Variants in SLC25A21 observed in about 807,000 individuals in gnomAD.
The protein encoded by SLC25A21 is mitochondrial 2-oxodicarboxylate carrier.
SLC25A21 carries 47 observed loss-of-function variants against 43.8 expected under a neutral mutation model. The ratio of observed to expected loss-of-function variants is 1.07; its 90% CI spans 0.85 to 1.37. The LOEUF (loss-of-function observed/expected upper bound fraction) is 1.37, where lower values mean the gene tolerates loss of function less well. Ranked by LOEUF, SLC25A21 falls within the 40% of genes most tolerant of loss-of-function variation. The probability of loss-of-function intolerance (pLI) is 0.00; values close to 1 mark genes in which losing one functional copy is unlikely to be tolerated. For missense variants in SLC25A21, 352 were observed against 350.2 expected (o/e 1.00, Z -0.04); for synonymous variants, 131 against 121.3 (o/e 1.08, Z -0.52).
intron 5 of SLC25A21, among the ~76,000 whole-genome samples, chr14:36,726,450 A>AAAG (rs1170846750): frequency 3.9e-5 from 6 of 152,048 alleles, no homozygotes; most frequent in South Asian, 2.1e-4. Context: ...ATAAAAAAAA[A>AAAG]AAGAAGAAGA....
intron 1 of SLC25A21, among the ~76,000 whole-genome samples, chr14:37,003,470 G>T (rs576537189): frequency 6.6e-6 from 1 of 152,158 alleles, no homozygotes; most frequent in Non-Finnish European, 1.5e-5. Flanking sequence ...ATAAGAGGGG[G>T]GGACTATTGT....
chr14:36,815,476 C>T (rs965358329), intron 2 of SLC25A21, among the ~76,000 whole-genome samples: 2 of 152,114 alleles, frequency 1.3e-5, no homozygotes, highest in Admixed American at 6.6e-5. Flanking sequence ...AGTTTACTAT[C>T]GCTACTCGGT....
rs550831850 is a variant in SLC25A21 at position 36,790,060 on chromosome 14, G to A, written c.203+23858C>T. ...AGAGAAAGGTATGCATAAAGTACTG[G>A]TTATGAGCTTTCAACTTGAGGTTTG... On this transcript the variant is annotated intron_variant, in intron 3 of 9. Coordinates refer to ENST00000331299, the MANE Select transcript of SLC25A21 (RefSeq NM_030631.4). Among the ~76,000 whole-genome samples, 30 of 148,760 alleles carry A rather than the reference G, an allele frequency of 2.0e-4. 1 individual carries two copies. The South Asian group carries it at 3.8e-3, about 19-fold the overall frequency.
intron 1 of SLC25A21, among the ~76,000 whole-genome samples, chr14:37,069,269 G>A (rs1370514761): frequency 6.6e-6 from 1 of 152,072 alleles, no homozygotes; most frequent in Non-Finnish European, 1.5e-5. Context: ...TCAGATTCAG[G>A]GGTGTGGTTT....
intron 1 of SLC25A21, among the ~76,000 whole-genome samples, chr14:36,917,907 A>G (rs1241931052): frequency 1.3e-5 from 2 of 152,142 alleles, no homozygotes; most frequent in Non-Finnish European, 2.9e-5. Flanking sequence ...AGGATGTTAA[A>G]TGTTCTCATC....
chr14:36,754,880 G>A (rs903389013), intron 3 of SLC25A21, among the ~76,000 whole-genome samples: 2 of 152,144 alleles, frequency 1.3e-5, no homozygotes, highest in African/African-American at 2.4e-5. Flanking sequence ...AGCAAAATCG[G>A]TGGCAAAGGA....
At chr14:36,918,692 C>A (rs961639009) in intron 1 of SLC25A21, among the ~76,000 whole-genome samples, 2 of 152,012 alleles carry the variant, frequency 1.3e-5, no homozygotes, top group Non-Finnish European at 1.5e-5. Context: ...TTCATACTTT[C>A]TCATTGTAAA....
chr14:36,955,991 C>T (rs185897515), intron 1 of SLC25A21, among the ~76,000 whole-genome samples: 1 of 152,284 alleles, frequency 6.6e-6, no homozygotes, highest in East Asian at 1.9e-4. Context: ...TCATCCATCA[C>T]TGTACATTAA....
intron 1 of SLC25A21, among the ~76,000 whole-genome samples, chr14:37,054,715 TA>T (rs5807928): frequency 0.43 from 65,138 of 151,800 alleles, 16,454 homozygotes; most frequent in African/African-American, 0.71. Flanking sequence ...AAAATAGAAC[TA>T]AAAAAAAGAA....
At chr14:36,885,675 CT>C (rs1890892691) in intron 1 of SLC25A21, among the ~76,000 whole-genome samples, 1 of 152,134 alleles carries the variant, frequency 6.6e-6, no homozygotes, top group African/African-American at 2.4e-5. Context: ...AGTTTTGAGT[CT>C]GTATGTATCC....
intron 7 of SLC25A21, among the ~76,000 whole-genome samples, chr14:36,692,013 C>T (rs1236163382): frequency 6.6e-6 from 1 of 152,168 alleles, no homozygotes; most frequent in Admixed American, 6.5e-5. Context: ...TTAATATTTC[C>T]ATTCACAAAT....
chr14:36,716,690 C>T (rs1884151531), intron 6 of SLC25A21, among the ~76,000 whole-genome samples: 1 of 152,148 alleles, frequency 6.6e-6, no homozygotes, highest in African/African-American at 2.4e-5. Context: ...GCAGCCCCAA[C>T]TATTTTTTCT....
intron 3 of SLC25A21, chr14:36,759,504 G>A (rs1886061160): frequency 6.6e-6 from 1 of 152,156 alleles, no homozygotes; most frequent in Non-Finnish European, 1.5e-5. Context: ...AATGTTTTGT[G>A]GTTCTGAGAC....
At chr14:36,723,763 C>A (rs945734372) in intron 6 of SLC25A21, among the ~76,000 whole-genome samples, 1 of 152,182 alleles carries the variant, frequency 6.6e-6, no homozygotes, top group Non-Finnish European at 1.5e-5. Context: ...TTAGCATGAG[C>A]CGAGGTGCCC....
chr14:37,101,833 T>C (rs1257794678), intron 1 of SLC25A21, among the ~76,000 whole-genome samples: 2 of 152,182 alleles, frequency 1.3e-5, no homozygotes, highest in South Asian at 2.1e-4. Context: ...GTCTGTGTAA[T>C]TAAGTGAATT....
chr14:36,724,337 A>G (rs998442331), intron 6 of SLC25A21, among the ~76,000 whole-genome samples: 1 of 152,112 alleles, frequency 6.6e-6, no homozygotes, highest in Admixed American at 6.5e-5. Flanking sequence ...CTCCTTCCCC[A>G]TACCCCTGCC....
intron 1 of SLC25A21, among the ~76,000 whole-genome samples, chr14:36,974,084 G>C (rs1396147806): frequency 6.6e-6 from 1 of 152,192 alleles, no homozygotes; most frequent in East Asian, 1.9e-4. Context: ...GAATTGAGTA[G>C]AAGTGAAATA....
At chr14:36,683,997 C>G (rs1882413897) in intron 8 of SLC25A21, 117 bp from the exon 9 acceptor site, 1 of 627,570 alleles carries the variant, frequency 1.6e-6, no homozygotes, top group East Asian at 2.9e-5. Flanking sequence ...GAATTACACA[C>G]ATCTCAAAGC....
At chr14:36,793,920 GAA>G (rs57263212) in intron 3 of SLC25A21, among the ~76,000 whole-genome samples, 21,837 of 111,328 alleles carry the variant, frequency 0.2, 1,836 homozygotes, top group Middle Eastern at 0.3. Flanking sequence ...TGCAGATCAG[GAA>G]AAAAAAAAAA....
Sources: gnomAD v4.1 joint callset for allele counts (sites outside exome capture counted in the v4.1 genomes callset) on GRCh38, gnomAD v4.1.1 for gene constraint, MANE v1.5 for transcripts, NCBI Gene and HGNC (gene_info 2026-07-23, HGNC 2026-07-21) for gene names.